Variants in ST3GAL6 observed in about 807,000 individuals in gnomAD.
ST3GAL6 encodes type 2 lactosamine alpha-2,3-sialyltransferase.
In ST3GAL6, 31 loss-of-function variants were observed where a neutral mutation model predicts 40.5. The observed-to-expected ratio is 0.77, with a 90% CI of 0.58 to 1.03. The LOEUF (loss-of-function observed/expected upper bound fraction) is 1.03. ST3GAL6 is among the 50% of genes least tolerant of loss of function. The pLI, the probability that ST3GAL6 is intolerant of heterozygous loss-of-function variation, is 0.00. For synonymous variants in ST3GAL6, 129 were observed against 136.9 expected (o/e 0.94, Z 0.40); for missense variants, 357 against 393.2 (o/e 0.91, Z 0.78).
At chr3:98,757,841 C>CTT (rs896097255) in intron 1 of ST3GAL6, among the ~76,000 whole-genome samples, 2 of 144,424 alleles carry the variant, frequency 1.4e-5, no homozygotes. Flanking sequence ...GCTTTTTTTT[C>CTT]TTTTTTTTTT....
intron 1 of ST3GAL6, among the ~76,000 whole-genome samples, chr3:98,738,517 ATCC>A (rs1935774303): frequency 6.6e-6 from 1 of 152,172 alleles, no homozygotes; most frequent in South Asian, 2.1e-4. Flanking sequence ...GGCTCAAGCA[ATCC>A]TCCTGCCTCG....
Position 98,793,734 on chromosome 3 carries a change from C to G in ST3GAL6, c.969C>G (p.Asn323Lys), listed in dbSNP as rs201358543. The change falls in exon 10 of 10, where the codon AAC becomes AAG. Residue 323 changes from asparagine to lysine, a missense_variant. Coordinates refer to ENST00000483910, the MANE Select transcript of ST3GAL6 (RefSeq NM_001323368.2). ...TTTTGAAGGACATTATAGAAAAAAACCTCGTAATCAACTTGACTCAAGATT... is the reference window on the plus strand; with the variant it reads ...TTTTGAAGGACATTATAGAAAAAAAGCTCGTAATCAACTTGACTCAAGATT... ...QLFLKDIIEK[N>K]LVINLTQD The G allele has an allele frequency of 1.1e-5, 17 of 1,602,784 alleles. No individual in the cohort carries two copies. The highest frequency in any genetic ancestry group is 1.4e-5 in the Non-Finnish European group (16 of 1,174,960).
At chr3:98,786,080 T>C (rs549493313) in intron 6 of ST3GAL6, among the ~76,000 whole-genome samples, 75 of 152,240 alleles carry the variant, frequency 4.9e-4, no homozygotes, top group Admixed American at 7.2e-4. Flanking sequence ...AAAACCATGA[T>C]ATGAACATGT....
chr3:98,793,128 G>A (rs2107379452), intron 9 of ST3GAL6, among the ~76,000 whole-genome samples: 1 of 152,202 alleles, frequency 6.6e-6, no homozygotes, highest in Middle Eastern at 3.4e-3. Context: ...TACCCCAACA[G>A]ACTTTGGATT....
chr3:98,734,299 T>C (rs1935331733), intron 1 of ST3GAL6, among the ~76,000 whole-genome samples: 1 of 152,252 alleles, frequency 6.6e-6, no homozygotes, highest in Non-Finnish European at 1.5e-5. Flanking sequence ...TTCCTTTTTG[T>C]TTCACTAAGA....
chr3:98,767,074 T>C (rs1465186778), intron 1 of ST3GAL6, among the ~76,000 whole-genome samples: 1 of 152,230 alleles, frequency 6.6e-6, no homozygotes, highest in East Asian at 1.9e-4. Flanking sequence ...ATAGTTTTCA[T>C]TTCTAACTAA....
In ST3GAL6 at chr3:98,746,765, A is replaced by G. The variant is rs568247665; in HGVS notation, c.-12+14233A>G. ...TTATTGTTACATATTATATGTATGT[A>G]TTTTGGGGGCACATGTTATAGTTTG... On this transcript the variant is annotated intron_variant, in intron 1 of 9. Transcript: ENST00000265261. Among the ~76,000 whole-genome samples the G allele has an allele frequency of 7.8e-4, 118 of 152,000 alleles. 1 individual carries two copies. Among genetic ancestry groups the G allele is most frequent in the African/African-American group, 2.7e-3 (114 of 41,470 alleles).
intron 5 of ST3GAL6, among the ~76,000 whole-genome samples, chr3:98,775,877 A>G (rs1269425578): frequency 1.3e-5 from 2 of 152,186 alleles, no homozygotes; most frequent in Non-Finnish European, 2.9e-5. Context: ...TGCTGACTGC[A>G]GGAGTCCTTT....
chr3:98,763,013 T>A (rs908466846), upstream of ST3GAL6: 33 of 985,288 alleles, frequency 3.3e-5, no homozygotes, highest in African/African-American at 4.9e-4. Flanking sequence ...TAATTAGTAA[T>A]AAGGACCAAA....
Position 98,791,964 on chromosome 3 carries a change from G to A in ST3GAL6, c.880G>A (p.Gly294Arg). ...CCTCAAGAGTCCTTTGCACTACTAT[G>A]GGAATGCCACCATGTCTTTGATGAA... ...SDLKSPLHYY[G>R]NATMSLMNKN... The change falls in exon 9 of 10, where the codon GGG becomes AGG. Residue 294 changes from glycine to arginine, a missense_variant. Gly to Arg is a moderately radical substitution (Grantham distance 125). Transcript: ENST00000483910. 6.2e-7 allele frequency: 1 copy of A among 1,613,572 alleles called. No homozygotes were observed.
intron 5 of ST3GAL6, among the ~76,000 whole-genome samples, chr3:98,779,515 A>G (rs1347458132): frequency 1.3e-5 from 2 of 152,240 alleles, no homozygotes; most frequent in African/African-American, 4.8e-5. Flanking sequence ...GTCAAAAAGC[A>G]TTTGTAAAAT....
chr3:98,777,109 TC>T (rs1302640130), intron 5 of ST3GAL6, among the ~76,000 whole-genome samples: 1 of 152,172 alleles, frequency 6.6e-6, no homozygotes, highest in East Asian at 1.9e-4. Context: ...TGGCTGGAGT[TC>T]CACCGATCAC....
At chr3:98,753,925 T>C (rs1274337741) in intron 1 of ST3GAL6, among the ~76,000 whole-genome samples, 2 of 152,242 alleles carry the variant, frequency 1.3e-5, no homozygotes, top group African/African-American at 4.8e-5. Flanking sequence ...CAAAATATTA[T>C]TGCTCTACAG....
At chr3:98,785,160 C>T (rs1940578219) in intron 6 of ST3GAL6, 120 bp downstream of exon 6, 3 of 638,656 alleles carry the variant, frequency 4.7e-6, no homozygotes, top group East Asian at 2.9e-5. Flanking sequence ...TTTTTTATTG[C>T]ACAACCTTCT....
At chr3:98,772,670 T>A in intron 3 of ST3GAL6, 143 bp from the exon 4 acceptor site, 1 of 484,128 alleles carries the variant, frequency 2.1e-6, no homozygotes, top group South Asian at 3.7e-5. Flanking sequence ...AAGTTATTTT[T>A]AAAAATTAAA....
chr3:98,754,779 A>G (rs772218969), intron 1 of ST3GAL6, among the ~76,000 whole-genome samples: 8 of 152,262 alleles, frequency 5.3e-5, no homozygotes, highest in Non-Finnish European at 8.8e-5. Flanking sequence ...AAGATCATCC[A>G]CTAGCAAAAA....
At chr3:98,784,504 T>TA (rs1940493649) in intron 5 of ST3GAL6, 1 of 157,596 alleles carries the variant, frequency 6.3e-6, no homozygotes, top group South Asian at 1.8e-4. Flanking sequence ...GCAAAGAATG[T>TA]AGACCTGCAT....
In ST3GAL6 at chr3:98,795,060, A is replaced by G. The variant is rs1941501131; in HGVS notation, c.*1299A>G. ...CAATGCAAGCCAGTCAATCCTACAAATGTGGTGAGCTAGTCTTCCTTCCTA... is the reference window on the plus strand; with the variant it reads ...CAATGCAAGCCAGTCAATCCTACAAGTGTGGTGAGCTAGTCTTCCTTCCTA... On this transcript the variant is annotated 3_prime_UTR_variant, in exon 10 of 10. Transcript: ENST00000483910. The G allele has an allele frequency of 6.6e-6, 1 of 152,190 alleles. No individual in the cohort carries two copies. Among genetic ancestry groups the G allele is most frequent in the Admixed American group, 6.5e-5 (1 of 15,278 alleles). The allele number at this position is 152,190 out of a possible 1,614,324, so 9.4% of individuals were successfully genotyped here. A position where few individuals can be genotyped will look rare whatever the true frequency, so the allele number is the denominator to read the frequency against.
intron 6 of ST3GAL6, among the ~76,000 whole-genome samples, chr3:98,785,517 T>C (rs1037482427): frequency 3.3e-5 from 5 of 152,144 alleles, no homozygotes; most frequent in Admixed American, 1.3e-4. Context: ...GGATGTTTGC[T>C]GCAGGGCCTC....
Sources: allele counts gnomAD v4.1 joint callset (sites outside exome capture counted in the v4.1 genomes callset), GRCh38; gene constraint gnomAD v4.1.1; transcripts MANE v1.5; gene names NCBI Gene and HGNC (gene_info 2026-07-23, HGNC 2026-07-21).